PNPLA3: variants seen among roughly 807,000 people sequenced by gnomAD.
PNPLA3 encodes patatin like domain 3, 1-acylglycerol-3-phosphate O-acyltransferase.
PNPLA3 carries 42 observed loss-of-function variants against 43.1 expected under a neutral mutation model. The ratio of observed to expected loss-of-function variants is 0.97; its 90% CI spans 0.76 to 1.26. PNPLA3 has a LOEUF of 1.26. Among genes scored for constraint, PNPLA3 ranks in the 50% most tolerant of loss-of-function variants. The probability of loss-of-function intolerance (pLI) is 0.00; values close to 1 mark genes in which losing one functional copy is unlikely to be tolerated. For missense variants in PNPLA3, 647 were observed against 621.4 expected (o/e 1.04, Z -0.44); for synonymous variants, 272 against 253.6 (o/e 1.07, Z -0.69).
intron 6 of PNPLA3, 106 bp downstream of exon 6, chr22:43,937,378 G>A: frequency 9.6e-7 from 1 of 1,046,854 alleles, no homozygotes. Flanking sequence ...AGGCAACCAT[G>A]ACAGGTGGTT....
intron 3 of PNPLA3, among the ~76,000 whole-genome samples, chr22:43,929,203 C>T (rs754226020): frequency 9.2e-5 from 14 of 152,118 alleles, no homozygotes; most frequent in East Asian, 1.9e-4. Flanking sequence ...TGGCCAGGCG[C>T]GGTGGCTCAT....
chr22:43,925,098 C>G (rs1442629165), intron 1 of PNPLA3, among the ~76,000 whole-genome samples: 3 of 152,004 alleles, frequency 2.0e-5, no homozygotes, highest in Non-Finnish European at 4.4e-5. Flanking sequence ...CCTCCTCCTC[C>G]TCCAGTGTTT....
chr22:43,926,813 A>T, intron 1 of PNPLA3, 122 bp from the exon 2 acceptor site: 2 of 755,542 alleles, frequency 2.6e-6, no homozygotes, highest in Non-Finnish European at 4.4e-6. Context: ...TGGCTCCCAT[A>T]GTAGACAGTA....
At chr22:43,925,973 A>G (rs991818130) in intron 1 of PNPLA3, among the ~76,000 whole-genome samples, 4 of 152,166 alleles carry the variant, frequency 2.6e-5, no homozygotes, top group Admixed American at 6.5e-5. Flanking sequence ...CTCAGGAACC[A>G]CCAAGTCCCT....
At chr22:43,927,453 C>G (rs2049931579) in intron 2 of PNPLA3, among the ~76,000 whole-genome samples, 1 of 149,650 alleles carries the variant, frequency 6.7e-6, no homozygotes. Flanking sequence ...GATCATGCCA[C>G]TGTACTCCAG....
chr22:43,934,620 A>G lies in PNPLA3; in HGVS notation c.711A>G (p.Ile237Met), dbSNP rs202103609. 1.6e-4 allele frequency: 266 copies of G among 1,613,824 alleles called. No homozygotes were observed. Among genetic ancestry groups the G allele is most frequent in the Middle Eastern group, 1.2e-3 (7 of 6,084 alleles). ...VPPDLKVLGEICLRGYLDAFR... is the reference protein window; with the variant it reads ...VPPDLKVLGEMCLRGYLDAFR... ...TTTGCTCACAGGTGCTGGGAGAGATATGCCTTCGAGGATATTTGGATGCAT... is the reference window on the plus strand; with the variant it reads ...TTTGCTCACAGGTGCTGGGAGAGATGTGCCTTCGAGGATATTTGGATGCAT... Residue 237 changes from isoleucine (I) to methionine (M), a missense_variant, in exon 5 of 9, where the codon ATA becomes ATG. Coordinates refer to ENST00000216180, the MANE Select transcript of PNPLA3 (RefSeq NM_025225.3).
rs749472903 is a variant in PNPLA3, at chr22:43,933,079, G to C, written c.688G>C (p.Asp230His). The C allele has an allele frequency of 5.6e-6, 9 of 1,613,520 alleles. No individual in the cohort carries two copies. In the Admixed American group the frequency reaches 1.0e-4, roughly 18 times the overall value. The change falls in exon 4 of 9, where the codon GAT becomes CAT. Residue 230 changes from aspartate (D) to histidine (H), a missense_variant. Asp to His is a moderately conservative substitution (Grantham distance 81). Coordinates refer to ENST00000216180, the MANE Select transcript of PNPLA3 (RefSeq NM_025225.3). ...TCTCTCGAGAGCTTTTGTCCCCCCG[G>C]ATCTCAAGGTGAGTTGGTGGTGAGG... Reference protein sequence around the residue: ...YLLSRAFVPPDLKVLGEICLR... With the variant: ...YLLSRAFVPPHLKVLGEICLR...
At chr22:43,944,838 C>G (rs772939568) in intron 8 of PNPLA3, 43 bp downstream of exon 8, 9 of 1,504,684 alleles carry the variant, frequency 6.0e-6, no homozygotes, top group Non-Finnish European at 8.3e-6. Flanking sequence ...ACGGGCACCT[C>G]TCTCATCTGA....
chr22:43,941,065 G>A (rs2050027557), intron 7 of PNPLA3, among the ~76,000 whole-genome samples: 1 of 142,902 alleles, frequency 7.0e-6, no homozygotes, highest in African/African-American at 2.6e-5. Flanking sequence ...CTTGAAGCAG[G>A]ACCTAGGAGG....
At chr22:43,937,798 A>G in intron 6 of PNPLA3, among the ~76,000 whole-genome samples, 1 of 152,150 alleles carries the variant, frequency 6.6e-6, no homozygotes, top group East Asian at 1.9e-4. Context: ...TTGAACCTCC[A>G]TCGAATGGTG....
At chr22:43,929,868 A>G (rs6006585) in intron 3 of PNPLA3, among the ~76,000 whole-genome samples, 29,301 of 152,040 alleles carry the variant, frequency 0.19, 3,415 homozygotes, top group African/African-American at 0.33. Flanking sequence ...AAGTGCTGAG[A>G]TTACAGGCGT....
chr22:43,926,225 G>T (rs927722794), intron 1 of PNPLA3, among the ~76,000 whole-genome samples: 3 of 152,220 alleles, frequency 2.0e-5, no homozygotes, highest in Admixed American at 6.5e-5. Context: ...GGGAAGGAGA[G>T]CTGTGAGTCA....
chr22:43,944,611 C>A, intron 7 of PNPLA3, 80 bp from the exon 8 acceptor site: 1 of 1,197,764 alleles, frequency 8.3e-7, no homozygotes, highest in South Asian at 1.2e-5. Context: ...ATGTTGGCAG[C>A]TTTTGTAAAC....
chr22:43,927,126 G>A lies in PNPLA3; in HGVS notation c.379G>A (p.Val127Ile), dbSNP rs751854599. The change falls in exon 2 of 9, where the codon GTT (valine) becomes ATT (isoleucine). Residue 127 changes from valine to isoleucine, a missense_variant. Physicochemically the swap from Val to Ile is conservative, Grantham distance 29. Coordinates refer to ENST00000216180, the MANE Select transcript of PNPLA3 (RefSeq NM_025225.3). Reference sequence around the variant, plus strand: ...TACCAGAGTGTCTGATGGGGAAAACGTTCTGGTGTCTGACTTTCGGTCCAA... The same window carrying A: ...TACCAGAGTGTCTGATGGGGAAAACATTCTGGTGTCTGACTTTCGGTCCAA... The part of the protein sequence containing the change: ...SLTRVSDGEN[V>I]LVSDFRSKDE... 1.2e-5 allele frequency: 20 copies of A among 1,614,102 alleles called. No individual in the cohort carries two copies. Among genetic ancestry groups the A allele is most frequent in the Admixed American group, 5.0e-5 (3 of 60,012 alleles).
At chr22:43,928,799 A>G in intron 2 of PNPLA3, 25 bp from the exon 3 acceptor site, 1 of 1,593,526 alleles carries the variant, frequency 6.3e-7, no homozygotes, top group Non-Finnish European at 8.6e-7. Flanking sequence ...CTCGCCTATA[A>G]CTTCTCTCTC....
At chr22:43,933,891 C>A (rs890748259) in intron 4 of PNPLA3, among the ~76,000 whole-genome samples, 3 of 152,142 alleles carry the variant, frequency 2.0e-5, no homozygotes, top group African/African-American at 4.8e-5. Flanking sequence ...AGCTGTCTAA[C>A]AGGATTGGTT....
chr22:43,946,549 C>T lies in PNPLA3; in HGVS notation c.*167C>T, dbSNP rs2050064740. On this transcript the variant is annotated 3_prime_UTR_variant, in exon 9 of 9. Coordinates refer to ENST00000216180, the MANE Select transcript of PNPLA3 (RefSeq NM_025225.3). ...GAAAAGCTAGGAAGCAACCTTTCGC[C>T]TGTGCAGCGGTCCAGCACTTAACTC... 2 of 728,610 alleles carry T rather than the reference C, an allele frequency of 2.7e-6. No individual in the cohort carries two copies. Among genetic ancestry groups the T allele is most frequent in the Non-Finnish European group, 4.9e-6 (2 of 409,728 alleles). The allele number at this position is 728,610 out of a possible 1,614,324, so 45.1% of individuals were successfully genotyped here. A position where few individuals can be genotyped will look rare whatever the true frequency, so the allele number is the denominator to read the frequency against.
At position 43,941,304 on chromosome 22, in the gene PNPLA3, T is replaced by G. The variant is rs5764416; in HGVS notation, c.1112+1179T>G. On this transcript the variant is annotated intron_variant, in intron 7 of 8. Coordinates refer to ENST00000216180, the MANE Select transcript of PNPLA3 (RefSeq NM_025225.3). ...AACTTCTTGATTGGGCTTCCTCTGA[T>G]TGGGTTTCCTCTGATTGGGCTTCCT... Among the ~76,000 whole-genome samples, 796 of 147,886 alleles carry G rather than the reference T, an allele frequency of 5.4e-3. 7 individuals are homozygous for G. The highest frequency in any genetic ancestry group is 0.012 in the African/African-American group (480 of 40,078).
chr22:43,929,249 G>A (rs779019159), intron 3 of PNPLA3, among the ~76,000 whole-genome samples: 10 of 152,058 alleles, frequency 6.6e-5, no homozygotes, highest in Admixed American at 3.3e-4. Context: ...CCTGAAGCAG[G>A]CAGATCACTT....
Sources: allele counts gnomAD v4.1 joint callset (sites outside exome capture counted in the v4.1 genomes callset), GRCh38; gene constraint gnomAD v4.1.1; transcripts MANE v1.5; gene names NCBI Gene and HGNC (gene_info 2026-07-23, HGNC 2026-07-21).